The following ATR variants were observed in gnomAD, a reference collection of about 807,000 sequenced individuals.
ATR encodes ATR checkpoint kinase, also known as serine/threonine-protein kinase ATR.
Under a neutral mutation model 305.3 loss-of-function variants are expected in ATR, and 142 were observed. The observed-to-expected ratio is 0.47, with a 90% CI of 0.41 to 0.53. The LOEUF (loss-of-function observed/expected upper bound fraction) is 0.53. Among genes scored for constraint, ATR ranks in the 20% least tolerant of loss-of-function variants. ATR has a pLI of 0.00. For synonymous variants in ATR, 1,050 were observed against 1,068.1 expected (o/e 0.98, Z 0.33); for missense variants, 2,135 against 3,133.1 (o/e 0.68, Z 7.60).
At chr3:142,566,312 C>T (rs2035070733) in intron 2 of ATR, 51 bp from the exon 3 acceptor site, 6 of 1,592,528 alleles carry the variant, frequency 3.8e-6, no homozygotes, top group African/African-American at 1.3e-5. Flanking sequence ...AAACAATGGT[C>T]CTTTTGTTAA....
At chr3:142,573,813 C>T (rs1459777861) in intron 1 of ATR, among the ~76,000 whole-genome samples, 1 of 152,134 alleles carries the variant, frequency 6.6e-6, no homozygotes, top group Non-Finnish European at 1.5e-5. Context: ...CAGCACATCT[C>T]AATTTAGACT....
At chr3:142,452,142 G>C in intron 46 of ATR, 1 of 1,017,642 alleles carries the variant, frequency 9.8e-7, no homozygotes. Context: ...CAAGACAAAG[G>C]GTTAAGGATG....
Position 142,470,073 on chromosome 3 carries a change from T to C in ATR, c.6319+13A>G. 6.3e-7 allele frequency: 1 copy of C among 1,582,250 alleles called. No homozygotes were observed. The highest frequency in any genetic ancestry group is 1.1e-5 in the South Asian group (1 of 90,054). ...TTCCTAGTCCTTTAAAACTTTTACG[T>C]GAAGAGTTATACCTTTTTCCCATTC... On this transcript the variant is annotated intron_variant, in intron 37 of 46. Transcript: ENST00000350721.
At chr3:142,549,352 A>C (rs1325470460) in intron 15 of ATR, 127 bp downstream of exon 15, 1 of 625,428 alleles carries the variant, frequency 1.6e-6, no homozygotes, top group African/African-American at 1.9e-5. Flanking sequence ...TAACATAACA[A>C]CATTTAAACT....
intron 35 of ATR, among the ~76,000 whole-genome samples, chr3:142,486,229 C>A (rs1275780198): frequency 1.3e-5 from 2 of 152,082 alleles, no homozygotes; most frequent in Admixed American, 6.6e-5. Context: ...ACAGTTTAGA[C>A]CAGAAACCTT....
intron 35 of ATR, among the ~76,000 whole-genome samples, chr3:142,488,805 C>T (rs968960374): frequency 6.6e-6 from 1 of 152,140 alleles, no homozygotes; most frequent in Non-Finnish European, 1.5e-5. Flanking sequence ...TTCTAATTGT[C>T]AATTACCTGT....
rs754456724 is a variant in ATR, at chr3:142,459,122, C to T, written c.7350-11G>A. The stretch of plus-strand genomic sequence containing the variant: ...GATCTACTACTGTACCTAAAAGAAA[C>T]ACAATGCCTATGAAATATCCATATA... On this transcript the variant is annotated splice_polypyrimidine_tract_variant and intron_variant, in intron 43 of 46. Coordinates refer to ENST00000350721, the MANE Select transcript of ATR (RefSeq NM_001184.4). The T allele has an allele frequency of 8.1e-6, 13 of 1,613,726 alleles. No homozygotes were observed. The highest frequency in any genetic ancestry group is 1.1e-5 in the Non-Finnish European group (13 of 1,179,826).
chr3:142,520,232 T>G (rs566661430), intron 23 of ATR, among the ~76,000 whole-genome samples: 39 of 152,174 alleles, frequency 2.6e-4, no homozygotes, highest in African/African-American at 9.2e-4. Context: ...TCCATCCCCC[T>G]CACTCTCTTT....
In ATR at chr3:142,555,815, A is replaced by G. The variant is rs1441070610; in HGVS notation, c.2341+62T>C. ...TTCAAGGCTTCAGTCTAATTCTTTT[A>G]CTGATTTGAAAAGCAGAGCTTAAAT... On this transcript the variant is annotated intron_variant, in intron 10 of 46. Transcript: ENST00000350721. 3.6e-5 allele frequency: 55 copies of G among 1,525,478 alleles called. No homozygotes were observed. In the East Asian group the frequency reaches 1.2e-3, roughly 34 times the overall value. 94.5% of individuals were successfully genotyped at this position (1,525,478 alleles called of 1,614,324 possible).
At chr3:142,461,422 G>T (rs190678152) in intron 42 of ATR, among the ~76,000 whole-genome samples, 1 of 152,042 alleles carries the variant, frequency 6.6e-6, no homozygotes, top group Admixed American at 6.5e-5. Flanking sequence ...TATCAGTATG[G>T]ACTCATGTTT....
intron 35 of ATR, among the ~76,000 whole-genome samples, chr3:142,492,411 G>T (rs757435112): frequency 4.3e-4 from 66 of 152,272 alleles, no homozygotes; most frequent in Admixed American, 1.4e-3. Context: ...AATTATTCAT[G>T]TGCAGGCTGG....
chr3:142,477,486 C>A (rs561029289), intron 36 of ATR, among the ~76,000 whole-genome samples: 1 of 152,108 alleles, frequency 6.6e-6, no homozygotes, highest in African/African-American at 2.4e-5. Flanking sequence ...CTGCTGGATT[C>A]GGTTTGCCAG....
At chr3:142,512,745 C>T (rs1362688173) in intron 26 of ATR, among the ~76,000 whole-genome samples, 1 of 152,036 alleles carries the variant, frequency 6.6e-6, no homozygotes, top group Non-Finnish European at 1.5e-5. Context: ...ATCCCAGCTA[C>T]TCAGAAGGCT....
chr3:142,570,329 G>T (rs1375637629), intron 1 of ATR, among the ~76,000 whole-genome samples: 1 of 152,120 alleles, frequency 6.6e-6, no homozygotes, highest in Non-Finnish European at 1.5e-5. Context: ...TCATATCAAA[G>T]AAATCATTGC....
At chr3:142,459,502 A>T (rs910547162) in intron 42 of ATR, 119 bp from the exon 43 acceptor site, 4 of 1,157,098 alleles carry the variant, frequency 3.5e-6, no homozygotes, top group Non-Finnish European at 4.9e-6. Flanking sequence ...TTGAAAAACA[A>T]GAATAAAGGA....
At chr3:142,512,578 C>T in intron 26 of ATR, 108 bp from the exon 27 acceptor site, 1 of 929,064 alleles carries the variant, frequency 1.1e-6, no homozygotes, top group Non-Finnish European at 1.5e-6. Context: ...AAAGAAAAAA[C>T]ACAATTGGCC....
intron 21 of ATR, among the ~76,000 whole-genome samples, chr3:142,532,621 G>A (rs959274302): frequency 6.6e-6 from 1 of 152,134 alleles, no homozygotes; most frequent in East Asian, 1.9e-4. Flanking sequence ...ATAAAAAATA[G>A]TTAAGTATCT....
At position 142,515,436 on chromosome 3, in the gene ATR, CAA is replaced by C. The variant is rs770800988; in HGVS notation, c.4460_4461del (p.Phe1487CysfsTer18). 5.0e-6 allele frequency: 8 copies of C among 1,613,734 alleles called. No homozygotes were observed. The highest frequency in any genetic ancestry group is 6.8e-6 in the Non-Finnish European group (8 of 1,179,872). ...CCTGCCCAAGATGCTGACCATTCTG[CAA>C]AGTTACTACCCAATTTACTTAAGTA... is the stretch of plus-strand genomic sequence containing the variant. ...PIYLSKLGSNFAEWSASWAGY... is the reference protein window; with the variant it reads ...PIYLSKLGSNXAEWSASWAGY... On this transcript the variant is annotated frameshift_variant, in exon 25 of 47. Coordinates refer to ENST00000350721, the MANE Select transcript of ATR (RefSeq NM_001184.4). LOFTEE classifies it high-confidence loss of function.
chr3:142,450,149 T>G (rs1577484271), intron 46 of ATR: 1 of 379,240 alleles, frequency 2.6e-6, no homozygotes, highest in Non-Finnish European at 4.9e-6. Flanking sequence ...GGCCACGGGG[T>G]GGAGACTGTT....
Sources: gnomAD v4.1 joint callset for allele counts (sites outside exome capture counted in the v4.1 genomes callset) on GRCh38, gnomAD v4.1.1 for gene constraint, MANE v1.5 for transcripts, NCBI Gene and HGNC (gene_info 2026-07-23, HGNC 2026-07-21) for gene names.